Variants in PTPN6 observed in about 807,000 individuals in gnomAD.
PTPN6 encodes tyrosine-protein phosphatase non-receptor type 6.
In PTPN6, 18 loss-of-function variants were observed where a neutral mutation model predicts 81.5. The observed-to-expected ratio is 0.22, with a 90% CI of 0.15 to 0.33. The LOEUF is 0.33. PTPN6 is among the 10% of genes least tolerant of loss of function. PTPN6 has a pLI of 1.00. For missense variants in PTPN6, 500 were observed against 794.2 expected (o/e 0.63, Z 4.45); for synonymous variants, 301 against 310.9 (o/e 0.97, Z 0.33).
Position 6,956,483 on chromosome 12 carries a change from C to T in PTPN6, c.989C>T (p.Ala330Val). 6.2e-7 allele frequency: 1 copy of T among 1,614,078 alleles called. No homozygotes were observed. The highest frequency in any genetic ancestry group is 2.2e-5 in the East Asian group (1 of 44,878). The change falls in exon 9 of 16, where the codon GCC becomes GTC. Residue 330 changes from alanine to valine, a missense_variant. Physicochemically the swap from Ala to Val is moderately conservative, Grantham distance 64 (BLOSUM62 0). Transcript: ENST00000318974. The surrounding 1 kb of genome is among the most constrained non-coding windows in gnomAD (Gnocchi z 4.1). ...TYIASQGCLE[A>V]TVNDFWQMAW... ...ATCGCCAGCCAGGGTTGTCTGGAGG[C>T]CACGGTCAATGACTTCTGGCAGATG...
chr12:6,948,382 G>A (rs1396451620), upstream of PTPN6, among the ~76,000 whole-genome samples: 2 of 147,966 alleles, frequency 1.4e-5, no homozygotes, highest in African/African-American at 2.5e-5. Context: ...GCTGCAGTGA[G>A]TTGGATTGTG....
Position 6,957,586 on chromosome 12 carries a change from A to G in PTPN6, c.1075-68A>G. 6.3e-7 allele frequency: 1 copy of G among 1,577,146 alleles called. No homozygotes were observed. The highest frequency in any genetic ancestry group is 2.3e-5 in the East Asian group (1 of 44,198). On this transcript the variant is annotated intron_variant, in intron 9 of 15. Coordinates refer to ENST00000318974, the MANE Select transcript of PTPN6 (RefSeq NM_002831.6). This position sits in a 1 kb window ranked among gnomAD's most constrained non-coding sequence, Gnocchi z 6.5. ...CCGGTGCCAGGCACTCAGAACATAG[A>G]GCAGGACCTGGGATGGGCCACAGTG...
Position 6,951,944 on chromosome 12 carries a change from C to T in PTPN6, c.132-39C>T, listed in dbSNP as rs1565579965. 3.1e-6 allele frequency: 5 copies of T among 1,605,470 alleles called. No homozygotes were observed. The highest frequency in any genetic ancestry group is 1.3e-5 in the African/African-American group (1 of 74,808). On this transcript the variant is annotated intron_variant, in intron 2 of 15. Transcript: ENST00000318974. This position sits in a 1 kb window ranked among gnomAD's most constrained non-coding sequence, Gnocchi z 7.2. ...GCCGATCCCTGCCCTCCTGCCTCTA[C>T]TCCTGCACCGACTGGCCTCACCGCC...
At position 6,951,827 on chromosome 12, in the gene PTPN6, A is replaced by T. The variant is rs1945931285; in HGVS notation, c.131+96A>T. Reference sequence around the variant, plus strand: ...TTCCTGGTTCCCCGTGGCAGTGCTGACTCCCCGTCTGTTCCCTTGCCCCCA... The same window carrying T: ...TTCCTGGTTCCCCGTGGCAGTGCTGTCTCCCCGTCTGTTCCCTTGCCCCCA... On this transcript the variant is annotated intron_variant, in intron 2 of 15. Transcript: ENST00000318974. The surrounding 1 kb of genome is among the most constrained non-coding windows in gnomAD (Gnocchi z 7.2). 2 of 1,591,542 alleles carry T rather than the reference A, an allele frequency of 1.3e-6. No individual in the cohort carries two copies. The highest frequency in any genetic ancestry group is 1.7e-5 in the Admixed American group (1 of 59,844).
At chr12:6,958,782 G>A (rs782279682) in intron 11 of PTPN6, among the ~76,000 whole-genome samples, 1 of 152,356 alleles carries the variant, frequency 6.6e-6, no homozygotes, top group African/African-American at 2.4e-5. Context: ...GGCAGTGGGT[G>A]CAGGGCCCCT....
Position 6,952,276 on chromosome 12 carries a change from C to G in PTPN6, c.326+99C>G. 4.4e-6 allele frequency: 6 copies of G among 1,365,320 alleles called. No individual in the cohort carries two copies. The highest frequency in any genetic ancestry group is 6.2e-6 in the Non-Finnish European group (6 of 965,650). The allele number at this position is 1,365,320 out of a possible 1,614,324, so 84.6% of individuals were successfully genotyped here. On this transcript the variant is annotated intron_variant, in intron 3 of 15. Transcript: ENST00000318974. The surrounding 1 kb of genome is among the most constrained non-coding windows in gnomAD (Gnocchi z 8.1). ...GGAGACTGGCAGCCGGCGCTGCCTA[C>G]CCTCCATCCCCTCCCCTCCCTGCAC...
upstream of PTPN6, chr12:6,951,207 T>C: frequency 1.4e-6 from 2 of 1,405,166 alleles, no homozygotes; most frequent in Non-Finnish European, 1.9e-6. The surrounding 1 kb of genome is among the most constrained non-coding windows in gnomAD (Gnocchi z 7.2). Context: ...ATTGCAGACG[T>C]GTGGGAAGTG....
Position 6,956,898 on chromosome 12 carries a change from C to T in PTPN6, c.1074+330C>T, listed in dbSNP as rs1169115394. On this transcript the variant is annotated intron_variant, in intron 9 of 15. Transcript: ENST00000318974. The surrounding 1 kb of genome is among the most constrained non-coding windows in gnomAD (Gnocchi z 4.1). ...CTGCCCCTTACCCTGCAGGCTCCCCCTACACAGCACCCTCTGTGCTGCCAT... is the reference window on the plus strand; with the variant it reads ...CTGCCCCTTACCCTGCAGGCTCCCCTTACACAGCACCCTCTGTGCTGCCAT... Among the ~76,000 whole-genome samples the T allele has an allele frequency of 6.6e-6, 1 of 152,148 alleles. No individual in the cohort carries two copies. The highest frequency in any genetic ancestry group is 1.9e-4 in the East Asian group (1 of 5,182).
Position 6,955,398 on chromosome 12 carries a change from G to A in PTPN6, c.660G>A (p.Ala220=), listed in dbSNP as rs1555148463. The change falls in exon 6 of 16, where the codon GCG becomes GCA. Residue 220 remains alanine (A), a synonymous_variant. Transcript: ENST00000318974. This position sits in a 1 kb window ranked among gnomAD's most constrained non-coding sequence, Gnocchi z 7.2. ...RQPYYATRVN[A]ADIENRVLEL... ...CGTACTATGCCACGAGGGTGAATGC[G>A]GCTGACATTGAGAACCGAGTGTTGG... 3.1e-6 allele frequency: 5 copies of A among 1,614,030 alleles called. No individual in the cohort carries two copies. Among genetic ancestry groups the A allele is most frequent in the East Asian group, 4.5e-5 (2 of 44,884 alleles).
chr12:6,959,637 T>G lies in PTPN6; in HGVS notation c.1362-290T>G, dbSNP rs1225485751. On this transcript the variant is annotated intron_variant, in intron 11 of 15. Transcript: ENST00000318974. This position sits in a 1 kb window ranked among gnomAD's most constrained non-coding sequence, Gnocchi z 6.6. Reference sequence around the variant, plus strand: ...TTTGGGGGTCCCAGGTCTTCCGGGGTGGGGGCAGCCACTCACTAGGAGTGA... The same window carrying G: ...TTTGGGGGTCCCAGGTCTTCCGGGGGGGGGGCAGCCACTCACTAGGAGTGA... 2.4e-5 allele frequency: 13 copies of G among 547,500 alleles called. No individual in the cohort carries two copies. Among genetic ancestry groups the G allele is most frequent in the East Asian group, 2.2e-4 (7 of 32,456 alleles). The allele number at this position is 547,500 out of a possible 1,614,324, so 33.9% of individuals were successfully genotyped here. A position where few individuals can be genotyped will look rare whatever the true frequency, so the allele number is the denominator to read the frequency against.
chr12:6,960,258 C>T lies in PTPN6; in HGVS notation c.1581+19C>T, dbSNP rs1946108366. On this transcript the variant is annotated intron_variant, in intron 13 of 15. Coordinates refer to ENST00000318974, the MANE Select transcript of PTPN6 (RefSeq NM_002831.6). This position sits in a 1 kb window ranked among gnomAD's most constrained non-coding sequence, Gnocchi z 6.1. Reference sequence around the variant, plus strand: ...CCTGCAGGTGCGTGCAGAGCAGGGCCTGGGGGGGGGGGGGGCTGCAGTGCA... The same window carrying T: ...CCTGCAGGTGCGTGCAGAGCAGGGCTTGGGGGGGGGGGGGGCTGCAGTGCA... 2.9e-6 allele frequency: 4 copies of T among 1,358,040 alleles called. No individual in the cohort carries two copies. The Admixed American group carries it at 5.7e-5, about 19-fold the overall frequency. The allele number at this position is 1,358,040 out of a possible 1,614,324, so 84.1% of individuals were successfully genotyped here. A position where few individuals can be genotyped will look rare whatever the true frequency, so the allele number is the denominator to read the frequency against.
In PTPN6 at chr12:6,956,262, G is replaced by C; in HGVS notation, c.924+41G>C. 1 of 1,611,286 alleles carries C rather than the reference G, an allele frequency of 6.2e-7. No homozygotes were observed. Among genetic ancestry groups the C allele is most frequent in the South Asian group, 1.1e-5 (1 of 91,026 alleles). ...CACGTGGGAGGAGAGGCTGGGCCCTGGGAATTCCCTGTCTGGTGGGGGGAC... is the reference window on the plus strand; with the variant it reads ...CACGTGGGAGGAGAGGCTGGGCCCTCGGAATTCCCTGTCTGGTGGGGGGAC... On this transcript the variant is annotated intron_variant, in intron 8 of 15. Coordinates refer to ENST00000318974, the MANE Select transcript of PTPN6 (RefSeq NM_002831.6). This position sits in a 1 kb window ranked among gnomAD's most constrained non-coding sequence, Gnocchi z 4.1.
rs781896115 is a variant in PTPN6, at chr12:6,952,185, C to A, written c.326+8C>A. ...CGATCCCACTAGTGAGAGGTGAGGG[C>A]TCCGCACCCCCGCCATTCCCAAGCA... On this transcript the variant is annotated splice_region_variant and intron_variant, in intron 3 of 15. Transcript: ENST00000318974. The surrounding 1 kb of genome is among the most constrained non-coding windows in gnomAD (Gnocchi z 8.1). The A allele has an allele frequency of 2.0e-5, 33 of 1,612,866 alleles. No individual in the cohort carries two copies. Among genetic ancestry groups the A allele is most frequent in the Non-Finnish European group, 1.1e-5 (13 of 1,179,836 alleles).
Position 6,956,134 on chromosome 12 carries a change from A to G in PTPN6, c.845-8A>G. The stretch of plus-strand genomic sequence containing the variant: ...AGACCATCTCGCCTCCTCTCCGCCC[A>G]CTCCCAGTTGACCACAGCCGAGTGA... On this transcript the variant is annotated splice_polypyrimidine_tract_variant and splice_region_variant and intron_variant, in intron 7 of 15. Coordinates refer to ENST00000318974, the MANE Select transcript of PTPN6 (RefSeq NM_002831.6). This position sits in a 1 kb window ranked among gnomAD's most constrained non-coding sequence, Gnocchi z 4.1. 3.7e-6 allele frequency: 6 copies of G among 1,613,756 alleles called. No individual in the cohort carries two copies. The highest frequency in any genetic ancestry group is 4.2e-6 in the Non-Finnish European group (5 of 1,179,918).
In PTPN6 at chr12:6,957,812, T is replaced by G. The variant is rs782292928; in HGVS notation, c.1206+27T>G. The G allele has an allele frequency of 6.2e-7, 1 of 1,613,950 alleles. No individual in the cohort carries two copies. The highest frequency in any genetic ancestry group is 8.5e-7 in the Non-Finnish European group (1 of 1,180,014). On this transcript the variant is annotated intron_variant, in intron 10 of 15. Coordinates refer to ENST00000318974, the MANE Select transcript of PTPN6 (RefSeq NM_002831.6). This position sits in a 1 kb window ranked among gnomAD's most constrained non-coding sequence, Gnocchi z 6.5. The stretch of plus-strand genomic sequence containing the variant: ...TGAGTGGCCCCCACGCCCTGCCCCA[T>G]TCCGGGAGTCCCTCCCTGGACTTGT...
At chr12:6,946,749 G>T, upstream of PTPN6, 1 of 1,610,308 alleles carries the variant, frequency 6.2e-7, no homozygotes, top group Non-Finnish European at 8.5e-7. Context: ...GGTAAGTCCC[G>T]GGCACCATCG....
In PTPN6 at chr12:6,955,390, G is replaced by A. The variant is rs782524619; in HGVS notation, c.652G>A (p.Val218Met). The A allele has an allele frequency of 2.7e-5, 44 of 1,614,154 alleles. No homozygotes were observed. Among genetic ancestry groups the A allele is most frequent in the Non-Finnish European group, 3.7e-5 (44 of 1,180,006 alleles). ...ACCCCAGCCGTACTATGCCACGAGG[G>A]TGAATGCGGCTGACATTGAGAACCG... ...YLRQPYYATRVNAADIENRVL... is the reference protein window; with the variant it reads ...YLRQPYYATRMNAADIENRVL... The change falls in exon 6 of 16, where the codon GTG becomes ATG. Residue 218 changes from valine (V) to methionine (M), a missense_variant. Transcript: ENST00000318974. This position sits in a 1 kb window ranked among gnomAD's most constrained non-coding sequence, Gnocchi z 7.2.
In PTPN6 at chr12:6,955,437, G is replaced by T; in HGVS notation, c.699G>T (p.Lys233Asn). ...IENRVLELNK[K>N]QESEDTAKAG... is the part of the protein sequence containing the mutation. ...ACCGAGTGTTGGAACTGAACAAGAA[G>T]CAGGAGTCCGAGGATACAGCCAAGG... The change falls in exon 6 of 16, where the codon AAG becomes AAT. Residue 233 changes from lysine to asparagine, a missense_variant. Physicochemically the swap from Lys to Asn is moderately conservative, Grantham distance 94 (BLOSUM62 0). Transcript: ENST00000318974. This position sits in a 1 kb window ranked among gnomAD's most constrained non-coding sequence, Gnocchi z 7.2. 2 of 1,614,158 alleles carry T rather than the reference G, an allele frequency of 1.2e-6. No homozygotes were observed. The highest frequency in any genetic ancestry group is 1.7e-6 in the Non-Finnish European group (2 of 1,180,026).
In PTPN6 at chr12:6,956,327, T is replaced by G. The variant is rs1946030106; in HGVS notation, c.925-92T>G. ...CAGCTGGGCAAAGCCGAAGCTGGCT[T>G]CTTGCATGGGTGAGGGTGGCAGTGG... On this transcript the variant is annotated intron_variant, in intron 8 of 15. Coordinates refer to ENST00000318974, the MANE Select transcript of PTPN6 (RefSeq NM_002831.6). This position sits in a 1 kb window ranked among gnomAD's most constrained non-coding sequence, Gnocchi z 4.1. 1 of 1,611,218 alleles carries G rather than the reference T, an allele frequency of 6.2e-7. No homozygotes were observed.
Sources: allele counts gnomAD v4.1 joint callset (sites outside exome capture counted in the v4.1 genomes callset), GRCh38; gene constraint gnomAD v4.1.1; non-coding constraint Gnocchi (gnomAD v3.1); transcripts MANE v1.5; gene names NCBI Gene and HGNC (gene_info 2026-07-23, HGNC 2026-07-21).